COL24A1: variants seen among roughly 807,000 people sequenced by gnomAD.
COL24A1 encodes the protein collagen alpha-1(XXIV) chain.
COL24A1 carries 224 observed loss-of-function variants against 253.9 expected under a neutral mutation model. That is an observed-to-expected ratio of 0.88 (90% CI 0.79 to 0.99). The LOEUF (loss-of-function observed/expected upper bound fraction) is 0.99. COL24A1 is among the 50% of genes least tolerant of loss of function. The pLI is 0.00. For missense variants in COL24A1, 2,131 were observed against 2,068.5 expected (o/e 1.03, Z -0.59); for synonymous variants, 685 against 673.7 (o/e 1.02, Z -0.26).
intron 24 of COL24A1, among the ~76,000 whole-genome samples, chr1:85,945,572 A>G (rs894483316): frequency 1.5e-4 from 22 of 149,254 alleles, no homozygotes; most frequent in African/African-American, 5.2e-4. Flanking sequence ...GACCATCACC[A>G]ACTGACCTGC....
chr1:86,089,137 AGAAG>A (rs943614760), intron 7 of COL24A1, 33 bp downstream of exon 7: 9 of 1,530,624 alleles, frequency 5.9e-6, no homozygotes, highest in Non-Finnish European at 7.0e-6. Flanking sequence ...AAAGAAAAAA[AGAAG>A]AAAAAAAGAA....
At chr1:85,872,006 G>T (rs1222620648) in intron 35 of COL24A1, among the ~76,000 whole-genome samples, 2 of 152,146 alleles carry the variant, frequency 1.3e-5, no homozygotes, top group Non-Finnish European at 2.9e-5. Context: ...AAAGTATCAG[G>T]ATACAAAATC....
intron 7 of COL24A1, among the ~76,000 whole-genome samples, 167 bp from the exon 8 acceptor site, chr1:86,063,926 TAAG>T (rs1701293248): frequency 6.6e-6 from 1 of 151,958 alleles, no homozygotes; most frequent in Non-Finnish European, 1.5e-5. Flanking sequence ...CTTTATTTAA[TAAG>T]AATTACTTTT....
intron 53 of COL24A1, among the ~76,000 whole-genome samples, chr1:85,772,762 G>A (rs961965075): frequency 1.2e-4 from 18 of 152,032 alleles, no homozygotes; most frequent in Non-Finnish European, 2.5e-4. Flanking sequence ...GTAGATTCTG[G>A]ATATTAGCCC....
intron 24 of COL24A1, among the ~76,000 whole-genome samples, chr1:85,959,002 A>G (rs1385710106): frequency 4.6e-5 from 7 of 152,172 alleles, no homozygotes; most frequent in African/African-American, 9.6e-5. Context: ...GAAACAAACA[A>G]ACCTGGAGGA....
At chr1:85,798,786 A>G (rs1671094989) in intron 47 of COL24A1, among the ~76,000 whole-genome samples, 1 of 152,196 alleles carries the variant, frequency 6.6e-6, no homozygotes, top group Non-Finnish European at 1.5e-5. Flanking sequence ...GGAAAACTGC[A>G]AAGTCAAGAT....
Position 86,082,126 on chromosome 1 carries a change from A to ACC in COL24A1, c.1707+7047_1707+7048insGG, listed in dbSNP as rs1553127403. Among the ~76,000 whole-genome samples the ACC allele has an allele frequency of 6.6e-3, 1,003 of 151,948 alleles. 5 individuals carry two copies. Among genetic ancestry groups the ACC allele is most frequent in the Non-Finnish European group, 0.011 (723 of 67,900 alleles). On this transcript the variant is annotated intron_variant, in intron 7 of 59. Coordinates refer to ENST00000370571, the MANE Select transcript of COL24A1 (RefSeq NM_152890.7). Reference sequence around the variant, plus strand: ...TTAGGTTTCAGAAATGTAGAAGCATATCTCTCGAACTCATAAAAATGCTAA... The same window carrying ACC: ...TTAGGTTTCAGAAATGTAGAAGCATACCTCTCTCGAACTCATAAAAATGCTAA...
intron 20 of COL24A1, among the ~76,000 whole-genome samples, chr1:85,975,890 C>T (rs1454114179): frequency 6.6e-6 from 1 of 152,132 alleles, no homozygotes; most frequent in Non-Finnish European, 1.5e-5. Context: ...TTAACCTTAC[C>T]TAGAGCTGAA....
At chr1:85,973,516 T>C (rs147970546) in intron 20 of COL24A1, among the ~76,000 whole-genome samples, 4 of 152,264 alleles carry the variant, frequency 2.6e-5, no homozygotes, top group African/African-American at 9.6e-5. Flanking sequence ...TAATAAAAAC[T>C]TGTAGATAAA....
intron 24 of COL24A1, among the ~76,000 whole-genome samples, chr1:85,927,128 G>T (rs191243084): frequency 1.3e-5 from 2 of 152,144 alleles, no homozygotes; most frequent in Non-Finnish European, 2.9e-5. Flanking sequence ...CAGCGTGAGC[G>T]ACGCAGAAGA....
intron 2 of COL24A1, among the ~76,000 whole-genome samples, chr1:86,132,770 T>C (rs868850935): frequency 3.3e-5 from 5 of 152,048 alleles, no homozygotes; most frequent in Middle Eastern, 3.2e-3. Context: ...TTACTGTAGC[T>C]TTGTGGTATA....
intron 19 of COL24A1, among the ~76,000 whole-genome samples, chr1:86,006,984 T>G (rs973411426): frequency 3.9e-5 from 6 of 151,970 alleles, no homozygotes; most frequent in African/African-American, 7.3e-5. Flanking sequence ...GGCCAAGGTG[T>G]GATGATTGCT....
intron 43 of COL24A1, among the ~76,000 whole-genome samples, chr1:85,826,906 A>T (rs1325966868): frequency 2.0e-5 from 3 of 152,162 alleles, no homozygotes; most frequent in Admixed American, 2.0e-4. Flanking sequence ...TCCTAACTGA[A>T]TACCCTTTAT....
intron 6 of COL24A1, among the ~76,000 whole-genome samples, 182 bp downstream of exon 6, chr1:86,092,085 G>T (rs1703533922): frequency 6.6e-6 from 1 of 152,050 alleles, no homozygotes; most frequent in Non-Finnish European, 1.5e-5. Context: ...AAATCAATAA[G>T]TGAAACTGGT....
chr1:86,001,621 G>A (rs1695415730), intron 19 of COL24A1, among the ~76,000 whole-genome samples: 2 of 152,106 alleles, frequency 1.3e-5, no homozygotes, highest in Non-Finnish European at 2.9e-5. Context: ...ATCATTTACT[G>A]CTGGGACTGA....
intron 23 of COL24A1, among the ~76,000 whole-genome samples, chr1:85,963,589 G>A (rs1430845692): frequency 6.6e-6 from 1 of 152,122 alleles, no homozygotes; most frequent in South Asian, 2.1e-4. Context: ...CACAGATCTA[G>A]GGTTCTATGA....
At chr1:85,737,583 G>C in intron 57 of COL24A1, 78 bp from the exon 58 acceptor site, 1 of 1,000,166 alleles carries the variant, frequency 1.0e-6, no homozygotes, top group East Asian at 2.8e-5. Flanking sequence ...TTTTTTGAGA[G>C]AGAGAGTCTC....
At chr1:85,829,496 T>C (rs956729620) in intron 43 of COL24A1, among the ~76,000 whole-genome samples, 25 of 151,948 alleles carry the variant, frequency 1.6e-4, no homozygotes, top group Non-Finnish European at 3.1e-4. Context: ...GAAATTCTCC[T>C]GGATAATATC....
intron 57 of COL24A1, among the ~76,000 whole-genome samples, chr1:85,739,516 T>G (rs1664387336): frequency 6.6e-6 from 1 of 152,252 alleles, no homozygotes; most frequent in Admixed American, 6.5e-5. Context: ...GGCATCTTTC[T>G]TGCTCTTTGT....
Sources: allele counts gnomAD v4.1 joint callset (sites outside exome capture counted in the v4.1 genomes callset), GRCh38; gene constraint gnomAD v4.1.1; transcripts MANE v1.5; gene names NCBI Gene and HGNC (gene_info 2026-07-23, HGNC 2026-07-21).